GABRA5: variants seen among roughly 807,000 people sequenced by gnomAD.
GABRA5 encodes the protein gamma-aminobutyric acid type A receptor subunit alpha5.
GABRA5 carries 18 observed loss-of-function variants against 47.3 expected under a neutral mutation model. That is an observed-to-expected ratio of 0.38 (90% CI 0.26 to 0.56). The LOEUF is 0.56. Ranked by LOEUF, GABRA5 falls within the 20% of genes least tolerant of loss-of-function variation. The pLI is 0.71. For missense variants in GABRA5, 365 were observed against 599.3 expected (o/e 0.61, Z 4.08); for synonymous variants, 237 against 229.3 (o/e 1.03, Z -0.30).
chr15:26,895,135 C>G (rs145439587), intron 6 of GABRA5, among the ~76,000 whole-genome samples: 3 of 152,096 alleles, frequency 2.0e-5, no homozygotes, highest in Admixed American at 6.5e-5. Context: ...TTTTTAGCCC[C>G]TGGCTACTGC....
At chr15:26,903,818 T>A (rs1893380924) in intron 6 of GABRA5, among the ~76,000 whole-genome samples, 1 of 152,130 alleles carries the variant, frequency 6.6e-6, no homozygotes, top group Non-Finnish European at 1.5e-5. Context: ...TTTTTTTTTC[T>A]TGTAAGTTTG....
intron 3 of GABRA5, among the ~76,000 whole-genome samples, chr15:26,875,505 G>T (rs1320505623): frequency 1.3e-5 from 2 of 152,212 alleles, no homozygotes; most frequent in African/African-American, 4.8e-5. Context: ...GTAATTCAGA[G>T]TAAGAGACAG....
chr15:26,929,997 C>A (rs1420345235), intron 7 of GABRA5, among the ~76,000 whole-genome samples: 1 of 124,938 alleles, frequency 8.0e-6, no homozygotes. Flanking sequence ...TCTTCTTCTT[C>A]TTCTTCTTCT....
chr15:26,900,591 G>A (rs1489733847), intron 6 of GABRA5, among the ~76,000 whole-genome samples: 1 of 151,988 alleles, frequency 6.6e-6, no homozygotes, highest in African/African-American at 2.4e-5. Flanking sequence ...TTAAGAGTAT[G>A]GTACAGAAAT....
At chr15:26,873,590 C>T (rs1164555269) in intron 3 of GABRA5, among the ~76,000 whole-genome samples, 1 of 152,096 alleles carries the variant, frequency 6.6e-6, no homozygotes, top group African/African-American at 2.4e-5. Context: ...GAGAACCATT[C>T]CATACCCTCA....
chr15:26,872,107 A>G (rs1892487523), intron 3 of GABRA5, among the ~76,000 whole-genome samples: 1 of 152,158 alleles, frequency 6.6e-6, no homozygotes, highest in African/African-American at 2.4e-5. Context: ...GCCCCTATTT[A>G]TTTCCCTTCC....
intron 6 of GABRA5, among the ~76,000 whole-genome samples, chr15:26,892,857 T>G (rs867455244): frequency 1.3e-5 from 2 of 152,010 alleles, no homozygotes; most frequent in South Asian, 4.2e-4. Context: ...GCGGGGAGGA[T>G]GGAGCAGTGT....
chr15:26,925,052 GA>G (rs1251854629), intron 7 of GABRA5, among the ~76,000 whole-genome samples: 4 of 151,858 alleles, frequency 2.6e-5, no homozygotes, highest in South Asian at 4.2e-4. Flanking sequence ...TTAGTGGGAG[GA>G]ATAGAGGAAA....
At chr15:26,875,996 C>G (rs1210511672) in intron 3 of GABRA5, among the ~76,000 whole-genome samples, 1 of 151,962 alleles carries the variant, frequency 6.6e-6, no homozygotes, top group African/African-American at 2.4e-5. Flanking sequence ...TTGCAGTGGC[C>G]CAGGGGAGTG....
chr15:26,877,713 A>G, intron 3 of GABRA5: 1 of 454,564 alleles, frequency 2.2e-6, no homozygotes, highest in Admixed American at 2.4e-5. Flanking sequence ...AAATAAGGAA[A>G]ATGTTGGAAC....
At chr15:26,903,652 T>A (rs1893376095) in intron 6 of GABRA5, among the ~76,000 whole-genome samples, 1 of 152,200 alleles carries the variant, frequency 6.6e-6, no homozygotes. Context: ...GCCATTTGAC[T>A]GGTGTGAGAT....
rs138929218 is a variant in GABRA5 at position 26,937,896 on chromosome 15, A to G, written c.724+568A>G. On this transcript the variant is annotated intron_variant, in intron 8 of 10. Transcript: ENST00000335625. ...GATGCATTGCATCTCCAGAGCCTGC[A>G]AGTTATGTGGCCAGATGTCTCCAGG... Among the ~76,000 whole-genome samples the G allele has an allele frequency of 1.1e-4, 16 of 152,310 alleles. No individual in the cohort carries two copies. The East Asian group carries it at 3.1e-3, about 29-fold the overall frequency.
chr15:26,934,163 A>G (rs185484830), intron 7 of GABRA5, among the ~76,000 whole-genome samples: 32 of 151,882 alleles, frequency 2.1e-4, no homozygotes, highest in African/African-American at 6.0e-4. Context: ...GAGGTGGGAG[A>G]ATCGCTTGAA....
At chr15:26,892,011 C>A (rs1893018657) in intron 6 of GABRA5, among the ~76,000 whole-genome samples, 1 of 152,224 alleles carries the variant, frequency 6.6e-6, no homozygotes, top group African/African-American at 2.4e-5. Flanking sequence ...GGAGCAGCCA[C>A]CGCCTGGCAG....
At chr15:26,882,396 G>A (rs1892750444) in intron 4 of GABRA5, among the ~76,000 whole-genome samples, 3 of 152,286 alleles carry the variant, frequency 2.0e-5, no homozygotes, top group Non-Finnish European at 4.4e-5. Flanking sequence ...ACCGCGAGCT[G>A]CTGGAGAGGC....
At chr15:26,913,881 C>A (rs1189524237) in intron 6 of GABRA5, among the ~76,000 whole-genome samples, 2 of 152,146 alleles carry the variant, frequency 1.3e-5, no homozygotes, top group African/African-American at 4.8e-5. Flanking sequence ...CAGGGCCAGG[C>A]AGCCTGGGTG....
At chr15:26,910,069 TG>T (rs1370477256) in intron 6 of GABRA5, among the ~76,000 whole-genome samples, 3 of 126,708 alleles carry the variant, frequency 2.4e-5, no homozygotes, top group East Asian at 2.5e-4. Flanking sequence ...ATGAAATAAA[TG>T]TTTTTTTTTC....
At chr15:26,941,778 A>T (rs1894390277) in intron 9 of GABRA5, among the ~76,000 whole-genome samples, 1 of 152,108 alleles carries the variant, frequency 6.6e-6, no homozygotes, top group South Asian at 2.1e-4. Flanking sequence ...TCATGGCAGC[A>T]TCACTCCCGC....
intron 7 of GABRA5, 102 bp downstream of exon 7, chr15:26,914,987 G>A: frequency 1.1e-6 from 1 of 891,718 alleles, no homozygotes; most frequent in Non-Finnish European, 1.8e-6. Flanking sequence ...AAGCACAATA[G>A]GATGCAGTCT....
Sources: allele counts gnomAD v4.1 joint callset (sites outside exome capture counted in the v4.1 genomes callset), GRCh38; gene constraint gnomAD v4.1.1; transcripts MANE v1.5; gene names NCBI Gene and HGNC (gene_info 2026-07-23, HGNC 2026-07-21).